Variants in BLTP1 observed in about 807,000 individuals in gnomAD.
BLTP1 encodes the protein fragile site-associated protein.
chr4:122,341,023 T>C, the BLTP1 span: 1 of 160,368 alleles, frequency 6.2e-6, no homozygotes, highest in East Asian at 1.9e-4. Context: ...CCTAAATTAT[T>C]AAATATTCAT....
chr4:122,185,032 G>A, the BLTP1 span: 1 of 985,270 alleles, frequency 1.0e-6, no homozygotes, highest in Non-Finnish European at 1.2e-6. Flanking sequence ...GAGAATGATA[G>A]CAAAACGATA....
the BLTP1 span, among the ~76,000 whole-genome samples, chr4:122,213,330 A>G: frequency 6.6e-6 from 1 of 152,284 alleles, no homozygotes. Context: ...GGTGTGAACC[A>G]CCATTCCTGG....
chr4:122,343,913 T>C, the BLTP1 span: 2 of 893,776 alleles, frequency 2.2e-6, no homozygotes, highest in Non-Finnish European at 2.7e-6. Context: ...AGCAAATCAC[T>C]GTCCATTTAT....
At chr4:122,223,742 A>T in the BLTP1 span, among the ~76,000 whole-genome samples, 1 of 152,148 alleles carries the variant, frequency 6.6e-6, no homozygotes, top group Admixed American at 6.5e-5. Context: ...GCAAGAGGTG[A>T]TACTATTTGG....
chr4:122,293,970 T>C, the BLTP1 span, among the ~76,000 whole-genome samples: 1 of 152,148 alleles, frequency 6.6e-6, no homozygotes, highest in African/African-American at 2.4e-5. Flanking sequence ...ACTGCTTCTT[T>C]AAGTGGGACT....
At chr4:122,281,426 T>C in the BLTP1 span, 1 of 1,384,640 alleles carries the variant, frequency 7.2e-7, no homozygotes, top group Non-Finnish European at 9.3e-7. Context: ...AAAGAAAACA[T>C]CTATTCACAG....
the BLTP1 span, chr4:122,277,538 T>C: frequency 1.1e-6 from 1 of 949,906 alleles, no homozygotes; most frequent in Non-Finnish European, 1.3e-6. Context: ...CCAGGAACTG[T>C]TCTAGGCATT....
chr4:122,215,274 G>T, the BLTP1 span: 23 of 797,362 alleles, frequency 2.9e-5, no homozygotes, highest in Non-Finnish European at 3.5e-5. Context: ...AGACCCAAGG[G>T]TATCTTTTTT....
the BLTP1 span, chr4:122,289,466 T>A: frequency 1.0e-6 from 1 of 978,396 alleles, no homozygotes; most frequent in Non-Finnish European, 1.2e-6. Context: ...AGTATGTCTA[T>A]TAACCAAATT....
At chr4:122,359,849 T>C in the BLTP1 span, 1 of 1,397,918 alleles carries the variant, frequency 7.2e-7, no homozygotes, top group Non-Finnish European at 9.2e-7. Context: ...GTAATGTCTA[T>C]AGCTTCTGTG....
At chr4:122,176,592 C>T in the BLTP1 span, among the ~76,000 whole-genome samples, 4 of 152,080 alleles carry the variant, frequency 2.6e-5, no homozygotes, top group East Asian at 7.7e-4. Flanking sequence ...TTCATAGTAT[C>T]TTTCATATAG....
At chr4:122,349,741 T>G in the BLTP1 span, 1 of 1,535,020 alleles carries the variant, frequency 6.5e-7, no homozygotes, top group Admixed American at 2.1e-5. This position sits in a 1 kb window ranked among gnomAD's most constrained non-coding sequence, Gnocchi z 4.5. Flanking sequence ...TACAAAACTC[T>G]TATTTATTAT....
chr4:122,342,448 T>C, the BLTP1 span, among the ~76,000 whole-genome samples: 3 of 152,030 alleles, frequency 2.0e-5, no homozygotes, highest in Non-Finnish European at 4.4e-5. Context: ...CTCTGCCTCC[T>C]GGGTTCAAGC....
the BLTP1 span, among the ~76,000 whole-genome samples, chr4:122,339,780 GA>G: frequency 6.6e-6 from 1 of 152,116 alleles, no homozygotes; most frequent in Non-Finnish European, 1.5e-5. Flanking sequence ...ATTATAAATG[GA>G]AAATAAGAAA....
chr4:122,354,004 T>C, the BLTP1 span: 2 of 1,613,584 alleles, frequency 1.2e-6, no homozygotes, highest in South Asian at 2.2e-5. Flanking sequence ...ATGTTACAGC[T>C]ACAAGGAATG....
chr4:122,187,635 T>A, the BLTP1 span: 1 of 988,830 alleles, frequency 1.0e-6, no homozygotes, highest in South Asian at 1.8e-5. Context: ...TAGTTCCCAT[T>A]TCTGTATAGT....
chr4:122,247,342 G>A, the BLTP1 span: 1 of 1,613,146 alleles, frequency 6.2e-7, no homozygotes, highest in Non-Finnish European at 8.5e-7. Context: ...GCAACTTAGG[G>A]GTCTTGATAC....
chr4:122,327,986 T>C, the BLTP1 span: 1 of 775,398 alleles, frequency 1.3e-6, no homozygotes, highest in Non-Finnish European at 1.9e-6. Context: ...GACCTTTCTT[T>C]CAGTTCAGAG....
At chr4:122,301,511 A>G in the BLTP1 span, 7 of 549,338 alleles carry the variant, frequency 1.3e-5, no homozygotes, top group Admixed American at 1.1e-4. Context: ...AAAATGATCT[A>G]TAACTCCATC....
Sources: gnomAD v4.1 joint callset for allele counts (sites outside exome capture counted in the v4.1 genomes callset) on GRCh38, gnomAD v4.1.1 for gene constraint, Gnocchi (gnomAD v3.1) non-coding constraint, MANE v1.5 for transcripts, NCBI Gene and HGNC (gene_info 2026-07-23, HGNC 2026-07-21) for gene names.